Variants in ARHGAP15 observed in about 807,000 individuals in gnomAD.
ARHGAP15 encodes rho GTPase-activating protein 15.
In ARHGAP15, 51 loss-of-function variants were observed where a neutral mutation model predicts 63.7. The ratio of observed to expected loss-of-function variants is 0.80; its 90% CI spans 0.64 to 1.01. The LOEUF (loss-of-function observed/expected upper bound fraction) is 1.01, where lower values mean the gene tolerates loss of function less well. Among genes scored for constraint, ARHGAP15 ranks in the 50% least tolerant of loss-of-function variants. The pLI is 0.00. For synonymous variants in ARHGAP15, 191 were observed against 193.8 expected, an observed-to-expected ratio of 0.99 and a Z score of 0.12; for missense variants, 560 against 564.6, an observed-to-expected ratio of 0.99 and a Z score of 0.08.
chr2:143,437,383 T>C (rs1160835863), intron 8 of ARHGAP15: 5 of 227,962 alleles, frequency 2.2e-5, no homozygotes, highest in Non-Finnish European at 4.3e-5. Flanking sequence ...ACTATTTTAT[T>C]TGCATACATT....
intron 4 of ARHGAP15, among the ~76,000 whole-genome samples, chr2:143,222,625 A>G (rs566036596): frequency 4.6e-5 from 7 of 152,262 alleles, no homozygotes; most frequent in African/African-American, 1.7e-4. Context: ...TCCGGTGTCC[A>G]TTTTGTAGAA....
Position 143,282,212 on chromosome 2 carries a change from TTAA to T in ARHGAP15, c.474+31620_474+31622del, listed in dbSNP as rs374517842. On this transcript the variant is annotated intron_variant, in intron 6 of 13. Transcript: ENST00000295095. The stretch of plus-strand genomic sequence containing the variant: ...CTCGTATGGAAGTTTCTCTATTACT[TTAA>T]TAATAATTTTAATAATGTTATAATT... 3.5e-3 allele frequency among the ~76,000 whole-genome samples: 528 copies of T among 152,210 alleles called. 3 individuals are homozygous for T. Among genetic ancestry groups the T allele is most frequent in the African/African-American group, 0.012 (490 of 41,550 alleles).
chr2:143,250,640 C>A (rs1471222878), intron 6 of ARHGAP15, 40 bp downstream of exon 6: 2 of 1,533,374 alleles, frequency 1.3e-6, no homozygotes, highest in Admixed American at 3.4e-5. Context: ...CCTATTCTCT[C>A]TAAATCTGAG....
At chr2:143,272,911 T>G (rs1056827820) in intron 6 of ARHGAP15, among the ~76,000 whole-genome samples, 1 of 152,204 alleles carries the variant, frequency 6.6e-6, no homozygotes, top group African/African-American at 2.4e-5. Flanking sequence ...TAAATTTAAC[T>G]CTATATGATG....
chr2:143,250,489 T>C (rs369110198), intron 5 of ARHGAP15, 22 bp from the exon 6 acceptor site: 3 of 1,592,440 alleles, frequency 1.9e-6, no homozygotes, highest in Non-Finnish European at 2.6e-6. Context: ...CTCTTATTCT[T>C]ACTTCATTTT....
intron 13 of ARHGAP15, among the ~76,000 whole-genome samples, chr2:143,705,466 G>A (rs1376178614): frequency 6.6e-6 from 1 of 152,110 alleles, no homozygotes; most frequent in African/African-American, 2.4e-5. Flanking sequence ...ACCATATCTT[G>A]TGGTTATGAG....
intron 9 of ARHGAP15, among the ~76,000 whole-genome samples, chr2:143,516,738 T>C (rs1693836801): frequency 6.6e-6 from 1 of 152,228 alleles, no homozygotes; most frequent in Non-Finnish European, 1.5e-5. Context: ...TCTACTGGGT[T>C]ATTTTTTCCT....
In ARHGAP15 at chr2:143,624,263, G is replaced by C. The variant is rs375312742; in HGVS notation, c.1134G>C (p.Ala378=). 101 of 1,612,824 alleles carry C rather than the reference G, an allele frequency of 6.3e-5. No homozygotes were observed. Among genetic ancestry groups the C allele is most frequent in the Non-Finnish European group, 8.0e-5 (94 of 1,179,398 alleles). ...PYSFFEQFVE[A]IKKQDNNTRI... Reference sequence around the variant, plus strand: ...GTTTCTTTGAGCAGTTTGTGGAAGCGATCAGTAAGTACCTCACAGAAAAGG... The same window carrying C: ...GTTTCTTTGAGCAGTTTGTGGAAGCCATCAGTAAGTACCTCACAGAAAAGG... The change falls in exon 12 of 14, where the codon GCG becomes GCC. Residue 378 remains alanine, a synonymous_variant. Coordinates refer to ENST00000295095, the MANE Select transcript of ARHGAP15 (RefSeq NM_018460.4).
chr2:143,211,026 A>C (rs1692538795), intron 3 of ARHGAP15, among the ~76,000 whole-genome samples: 1 of 152,188 alleles, frequency 6.6e-6, no homozygotes, highest in Admixed American at 6.6e-5. Flanking sequence ...ACTTTTAAAA[A>C]TGTTTAAAAA....
rs149831189 is a variant in ARHGAP15, at chr2:143,228,651, C to G, written c.367C>G (p.Gln123Glu). The change falls in exon 5 of 14, where the codon CAG becomes GAG. Residue 123 changes from glutamine to glutamate, a missense_variant. Coordinates refer to ENST00000295095, the MANE Select transcript of ARHGAP15 (RefSeq NM_018460.4). ...TGAATTTTACAAAGAATCCAAGCAA[C>G]AGGCTCTGTCCAATATGGTAAGTAA... ...RIEFYKESKQ[Q>E]ALSNMKTGHK... 1.1e-5 allele frequency: 17 copies of G among 1,602,466 alleles called. No homozygotes were observed. The highest frequency in any genetic ancestry group is 1.4e-5 in the Non-Finnish European group (17 of 1,173,434).
chr2:143,352,831 A>G (rs1315582749), intron 6 of ARHGAP15, among the ~76,000 whole-genome samples: 4 of 152,212 alleles, frequency 2.6e-5, no homozygotes, highest in African/African-American at 9.6e-5. Flanking sequence ...ACAAATTCTA[A>G]TTTCTTCCAC....
At chr2:143,441,064 A>T (rs1204775882) in intron 8 of ARHGAP15, among the ~76,000 whole-genome samples, 2 of 152,186 alleles carry the variant, frequency 1.3e-5, no homozygotes, top group East Asian at 3.9e-4. Flanking sequence ...AGACATGTAA[A>T]TACTTAGCTC....
chr2:143,490,263 T>G (rs1030416468), intron 9 of ARHGAP15, among the ~76,000 whole-genome samples: 3 of 152,088 alleles, frequency 2.0e-5, no homozygotes, highest in African/African-American at 7.2e-5. Context: ...CCTCCCAAAG[T>G]GACGGGATTA....
intron 6 of ARHGAP15, among the ~76,000 whole-genome samples, chr2:143,354,892 ATATT>A (rs1359329606): frequency 1.3e-5 from 2 of 152,166 alleles, no homozygotes; most frequent in African/African-American, 4.8e-5. Context: ...ATTTGTTTTT[ATATT>A]TATTCTTGTA....
chr2:143,703,394 C>G (rs758957447), intron 12 of ARHGAP15, 25 bp from the exon 13 acceptor site: 6 of 1,584,376 alleles, frequency 3.8e-6, no homozygotes, highest in Non-Finnish European at 5.1e-6. Flanking sequence ...TTTTCCCTAA[C>G]CTTCCTTTTT....
intron 12 of ARHGAP15, among the ~76,000 whole-genome samples, chr2:143,678,570 T>C (rs1032477618): frequency 1.3e-5 from 2 of 152,214 alleles, no homozygotes; most frequent in South Asian, 2.1e-4. Context: ...CAAAACTACA[T>C]AGGTGTCCTG....
chr2:143,225,907 T>A (rs1157982791), intron 4 of ARHGAP15, among the ~76,000 whole-genome samples: 1 of 152,214 alleles, frequency 6.6e-6, no homozygotes, highest in Non-Finnish European at 1.5e-5. Flanking sequence ...AAAGAGGACA[T>A]CTAAAAGGTT....
chr2:143,403,685 G>A (rs930486963), intron 6 of ARHGAP15, among the ~76,000 whole-genome samples: 43 of 151,936 alleles, frequency 2.8e-4, no homozygotes, highest in African/African-American at 9.4e-4. Context: ...AAAAAGACTG[G>A]AGTTTCAGCA....
At chr2:143,298,442 A>T (rs181558762) in intron 6 of ARHGAP15, among the ~76,000 whole-genome samples, 51 of 152,138 alleles carry the variant, frequency 3.4e-4, no homozygotes, top group Admixed American at 2.8e-3. Context: ...TTGTATCATT[A>T]AAAGATGATT....
Sources: gnomAD v4.1 joint callset for allele counts (sites outside exome capture counted in the v4.1 genomes callset) on GRCh38, gnomAD v4.1.1 for gene constraint, MANE v1.5 for transcripts, NCBI Gene and HGNC (gene_info 2026-07-23, HGNC 2026-07-21) for gene names.